The following CLSTN1 variants were observed in gnomAD, a reference collection of about 807,000 sequenced individuals.
CLSTN1 encodes calsyntenin-1.
CLSTN1 carries 28 observed loss-of-function variants against 108.3 expected under a neutral mutation model. The observed-to-expected ratio is 0.26, with a 90% confidence interval of 0.19 to 0.35. The LOEUF (loss-of-function observed/expected upper bound fraction) is 0.35, where lower values mean the gene tolerates loss of function less well. Ranked by LOEUF, CLSTN1 falls within the 10% of genes least tolerant of loss-of-function variation. The probability of loss-of-function intolerance (pLI) is 1.00; values close to 1 mark genes in which losing one functional copy is unlikely to be tolerated. For synonymous variants in CLSTN1, 524 were observed against 534.9 expected, an observed-to-expected ratio of 0.98 and a Z score of 0.28; for missense variants, 1,157 against 1,302.6, an observed-to-expected ratio of 0.89 and a Z score of 1.72.
At chr1:9,774,021 C>T (rs1046147907) in intron 1 of CLSTN1, among the ~76,000 whole-genome samples, 11 of 151,946 alleles carry the variant, frequency 7.2e-5, no homozygotes, top group Admixed American at 3.3e-4. Flanking sequence ...GGATTACAGG[C>T]GTGAGCCACG....
rs936056161 is a variant in CLSTN1 at position 9,819,868 on chromosome 1, G to A, written c.91+3775C>T. The stretch of plus-strand genomic sequence containing the variant: ...TCCACATCGTTACTTCTGAAAAAAC[G>A]AGGTAACAAATTAAGAAACCATCTT... On this transcript the variant is annotated intron_variant, in intron 1 of 18. Coordinates refer to ENST00000377298, the MANE Select transcript of CLSTN1 (RefSeq NM_001009566.3). Among the ~76,000 whole-genome samples, 4 of 152,002 alleles carry A rather than the reference G, an allele frequency of 2.6e-5. 1 individual carries two copies. The highest frequency in any genetic ancestry group is 4.2e-4 in the South Asian group (2 of 4,814).
At position 9,740,953 on chromosome 1, in the gene CLSTN1, G is replaced by A. The variant is rs527786222; in HGVS notation, c.1519+141C>T. Reference sequence around the variant, plus strand: ...GGGGTAACGGCAGTGTCCCCAAAAAGGCTGTACACAGGAAATGGAAGGAAA... The same window carrying A: ...GGGGTAACGGCAGTGTCCCCAAAAAAGCTGTACACAGGAAATGGAAGGAAA... On this transcript the variant is annotated intron_variant, in intron 10 of 18. Transcript: ENST00000377298. 18 of 898,962 alleles carry A rather than the reference G, an allele frequency of 2.0e-5. No homozygotes were observed. In the South Asian group the frequency reaches 3.1e-4, roughly 15 times the overall value. The allele number at this position is 898,962 out of a possible 1,614,324, so 55.7% of individuals were successfully genotyped here. A position where few individuals can be genotyped will look rare whatever the true frequency, so the allele number is the denominator to read the frequency against.
At chr1:9,731,732 T>C in intron 17 of CLSTN1, 29 bp downstream of exon 17, 1 of 1,613,494 alleles carries the variant, frequency 6.2e-7, no homozygotes, top group African/African-American at 1.3e-5. Context: ...ATGGAGCATC[T>C]CCGCTTGGTC....
At chr1:9,790,566 T>C (rs1653718604) in intron 1 of CLSTN1, among the ~76,000 whole-genome samples, 1 of 151,516 alleles carries the variant, frequency 6.6e-6, no homozygotes, top group Non-Finnish European at 1.5e-5. Flanking sequence ...GAGATCGCCA[T>C]TAAAATATTT....
chr1:9,736,322 G>A (rs1265215632), intron 11 of CLSTN1, among the ~76,000 whole-genome samples: 1 of 152,138 alleles, frequency 6.6e-6, no homozygotes, highest in Non-Finnish European at 1.5e-5. Context: ...GCCACTACCT[G>A]GTAAGGTGGC....
At chr1:9,739,022 A>G (rs891805513) in intron 10 of CLSTN1, among the ~76,000 whole-genome samples, 5 of 152,190 alleles carry the variant, frequency 3.3e-5, no homozygotes, top group Admixed American at 2.6e-4. Flanking sequence ...ATCAAAAAGT[A>G]ATTAATGATG....
chr1:9,800,179 G>C (rs1245178003), intron 1 of CLSTN1, among the ~76,000 whole-genome samples: 1 of 151,824 alleles, frequency 6.6e-6, no homozygotes, highest in Non-Finnish European at 1.5e-5. Flanking sequence ...ACTAGAAAAA[G>C]ATCAGCAGAT....
upstream of CLSTN1, chr1:9,824,049 C>G (rs1217657668): frequency 6.9e-6 from 1 of 145,240 alleles, no homozygotes; most frequent in African/African-American, 2.5e-5. The surrounding 1 kb of genome is among the most constrained non-coding windows in gnomAD (Gnocchi z 5.0). Flanking sequence ...TGGGGAGCGA[C>G]GCGAGGCGCG....
intron 1 of CLSTN1, among the ~76,000 whole-genome samples, chr1:9,790,059 T>C (rs1215153901): frequency 6.6e-6 from 1 of 151,500 alleles, no homozygotes; most frequent in Non-Finnish European, 1.5e-5. Flanking sequence ...TATCATCAAA[T>C]ACCTAATCAG....
intron 1 of CLSTN1, among the ~76,000 whole-genome samples, chr1:9,796,359 G>A (rs1390396783): frequency 6.6e-6 from 1 of 150,886 alleles, no homozygotes; most frequent in East Asian, 2.0e-4. Context: ...AGGACAAGAT[G>A]GTGAAATGGA....
rs1653579360 is a variant in CLSTN1 at position 9,788,099 on chromosome 1, AC to A, written c.92-14706del. 1.3e-5 allele frequency among the ~76,000 whole-genome samples: 2 copies of A among 151,374 alleles called. 1 individual carries two copies. Among genetic ancestry groups the A allele is most frequent in the Admixed American group, 1.3e-4 (2 of 14,918 alleles). On this transcript the variant is annotated intron_variant, in intron 1 of 18. Transcript: ENST00000377298. ...GCGAGACCCCGTCTCTACAAAAAATACAAAAATTAGCCAGGCATGGTGGTGC... is the reference window on the plus strand; with the variant it reads ...GCGAGACCCCGTCTCTACAAAAAATAAAAAATTAGCCAGGCATGGTGGTGC...
chr1:9,818,069 G>A (rs1327747393), intron 1 of CLSTN1, among the ~76,000 whole-genome samples: 1 of 141,092 alleles, frequency 7.1e-6, no homozygotes, highest in Non-Finnish European at 1.5e-5. Flanking sequence ...TGCAAGTGGT[G>A]TGACCTTGGC....
chr1:9,807,552 T>TTTAATAG (rs1654558059), intron 1 of CLSTN1, among the ~76,000 whole-genome samples: 2 of 152,216 alleles, frequency 1.3e-5, no homozygotes, highest in Non-Finnish European at 2.9e-5. Flanking sequence ...TAGCAATATT[T>TTTAATAG]CAGTTAAATT....
At chr1:9,733,685 C>T in intron 15 of CLSTN1, 139 bp from the exon 16 acceptor site, 1 of 1,027,714 alleles carries the variant, frequency 9.7e-7, no homozygotes, top group Non-Finnish European at 1.4e-6. Flanking sequence ...GGCTTTCTAG[C>T]CATGGGAATA....
At chr1:9,788,484 C>T (rs1426413902) in intron 1 of CLSTN1, among the ~76,000 whole-genome samples, 2 of 151,084 alleles carry the variant, frequency 1.3e-5, no homozygotes, top group Admixed American at 6.8e-5. Context: ...AGGACAATCG[C>T]TTGAACCCAG....
intron 1 of CLSTN1, among the ~76,000 whole-genome samples, chr1:9,776,721 G>A (rs904524952): frequency 2.0e-5 from 3 of 151,980 alleles, no homozygotes; most frequent in African/African-American, 4.8e-5. Flanking sequence ...GTTACTGAGG[G>A]ACCCAAATAG....
rs756454138 is a variant in CLSTN1 at position 9,734,164 on chromosome 1, A to T, written c.2111-22T>A. The T allele has an allele frequency of 3.7e-6, 6 of 1,613,078 alleles. No homozygotes were observed. The highest frequency in any genetic ancestry group is 5.1e-6 in the Non-Finnish European group (6 of 1,179,376). ...TGAACTGCAAAAGAGGCCCAACCAGAAATATTAAGTAGGGGCAGTGGGGCC... is the reference window on the plus strand; with the variant it reads ...TGAACTGCAAAAGAGGCCCAACCAGTAATATTAAGTAGGGGCAGTGGGGCC... On this transcript the variant is annotated intron_variant, in intron 14 of 18. Transcript: ENST00000377298. This position sits in a 1 kb window ranked among gnomAD's most constrained non-coding sequence, Gnocchi z 4.8.
intron 8 of CLSTN1, 43 bp downstream of exon 8, chr1:9,744,352 T>G: frequency 6.4e-7 from 1 of 1,572,226 alleles, no homozygotes; most frequent in Non-Finnish European, 8.6e-7. Flanking sequence ...CCCACCCTAC[T>G]GGACACTGGG....
chr1:9,819,944 C>A (rs1655130119), intron 1 of CLSTN1, among the ~76,000 whole-genome samples: 1 of 152,072 alleles, frequency 6.6e-6, no homozygotes, highest in East Asian at 1.9e-4. Context: ...ACAGGGGTAG[C>A]CACAGAGCTA....
Sources: allele counts gnomAD v4.1 joint callset (sites outside exome capture counted in the v4.1 genomes callset), GRCh38; gene constraint gnomAD v4.1.1; non-coding constraint Gnocchi (gnomAD v3.1); transcripts MANE v1.5; gene names NCBI Gene and HGNC (gene_info 2026-07-23, HGNC 2026-07-21).